Variants in FRMD5 observed in about 807,000 individuals in gnomAD.
FRMD5 encodes the protein FERM domain containing 5, also known as FERM domain-containing protein 5.
FRMD5 carries 20 observed loss-of-function variants against 69.0 expected under a neutral mutation model. That is an observed-to-expected ratio of 0.29 (90% CI 0.20 to 0.42). The LOEUF (loss-of-function observed/expected upper bound fraction) is 0.42, where lower values mean the gene tolerates loss of function less well. Ranked by LOEUF, FRMD5 falls within the 10% of genes least tolerant of loss-of-function variation. The pLI, the probability that FRMD5 is intolerant of heterozygous loss-of-function variation, is 1.00. For missense variants in FRMD5, 595 were observed against 708.6 expected (o/e 0.84, Z 1.82); for synonymous variants, 271 against 260.1 (o/e 1.04, Z -0.40).
intron 1 of FRMD5, among the ~76,000 whole-genome samples, chr15:43,926,201 A>G (rs1444068981): frequency 6.6e-6 from 1 of 152,246 alleles, no homozygotes. Context: ...ACCTGCCTGG[A>G]TGCCAAGGGT....
chr15:43,921,223 G>C (rs1178587203), intron 2 of FRMD5, among the ~76,000 whole-genome samples: 1 of 152,298 alleles, frequency 6.6e-6, no homozygotes, highest in South Asian at 2.1e-4. Flanking sequence ...TCTGTTCAGA[G>C]CACACTGGAA....
chr15:43,884,627 G>A (rs891602285), intron 12 of FRMD5, 100 bp downstream of exon 12: 25 of 1,012,378 alleles, frequency 2.5e-5, no homozygotes, highest in Non-Finnish European at 3.5e-5. Context: ...GGACTTTTTG[G>A]TAGCCACTGG....
rs577127523 is a variant in FRMD5, at chr15:44,189,400, G to T, written c.102+5553C>A. On this transcript the variant is annotated intron_variant, in intron 1 of 13. Transcript: ENST00000417257. ...ACAGTTTTAGCCTGATGGAGAAACT[G>T]GAGGTTGGGAGTATGTGAACTTAGA... is the stretch of plus-strand genomic sequence containing the variant. Among the ~76,000 whole-genome samples, 5 of 152,224 alleles carry T rather than the reference G, an allele frequency of 3.3e-5. No individual in the cohort carries two copies. The South Asian group carries it at 1.0e-3, about 32-fold the overall frequency.
intron 1 of FRMD5, among the ~76,000 whole-genome samples, chr15:44,191,922 T>TATATATGTATCTATATA (rs1279440991): frequency 1.1e-4 from 1 of 8,928 alleles, no homozygotes; most frequent in South Asian, 3.1e-3. Flanking sequence ...TATATATATA[T>TATATATGTATCTATATA]TATATATATA....
chr15:44,094,673 C>T (rs1379294217), intron 1 of FRMD5, among the ~76,000 whole-genome samples: 1 of 152,068 alleles, frequency 6.6e-6, no homozygotes, highest in Non-Finnish European at 1.5e-5. Flanking sequence ...AGTTTTGTGT[C>T]ATAATGTAAA....
chr15:43,919,743 A>C (rs766815177), intron 3 of FRMD5, 24 bp downstream of exon 3: 1 of 1,611,878 alleles, frequency 6.2e-7, no homozygotes, highest in Non-Finnish European at 8.5e-7. Flanking sequence ...GTGTGGCTTG[A>C]GTCTTTTCAT....
chr15:44,136,435 A>C (rs1595507098), intron 1 of FRMD5, among the ~76,000 whole-genome samples: 1 of 152,330 alleles, frequency 6.6e-6, no homozygotes, highest in East Asian at 1.9e-4. Context: ...TTATTCTATA[A>C]ATTCTGGAGA....
intron 1 of FRMD5, among the ~76,000 whole-genome samples, chr15:44,076,847 A>G (rs1406824875): frequency 6.6e-6 from 1 of 152,016 alleles, no homozygotes; most frequent in Non-Finnish European, 1.5e-5. Context: ...ACTTAAAATG[A>G]TACCTCTTAT....
chr15:43,912,200 C>T lies in FRMD5; in HGVS notation c.330-2221G>A, dbSNP rs114859370. ...TAACCACAGCAGGATGGACTGCCTTCCTCAGACCAAAGGGAAGGTGAGTCT... is the reference window on the plus strand; with the variant it reads ...TAACCACAGCAGGATGGACTGCCTTTCTCAGACCAAAGGGAAGGTGAGTCT... On this transcript the variant is annotated intron_variant, in intron 4 of 13. Coordinates refer to ENST00000417257, the MANE Select transcript of FRMD5 (RefSeq NM_032892.5). Among the ~76,000 whole-genome samples the T allele has an allele frequency of 8.5e-3, 1,293 of 152,246 alleles. 20 individuals carry two copies. Among genetic ancestry groups the T allele is most frequent in the African/African-American group, 0.03 (1,231 of 41,536 alleles).
intron 6 of FRMD5, 148 bp from the exon 7 acceptor site, chr15:43,902,410 G>A (rs2089068426): frequency 4.6e-6 from 3 of 658,540 alleles, no homozygotes; most frequent in African/African-American, 1.8e-5. Flanking sequence ...GACCAACTTC[G>A]AGACTCCTGC....
intron 1 of FRMD5, among the ~76,000 whole-genome samples, chr15:44,088,463 G>A (rs1319448690): frequency 6.6e-6 from 1 of 152,124 alleles, no homozygotes; most frequent in African/African-American, 2.4e-5. Flanking sequence ...ATTTATTTAA[G>A]TAATATCAGG....
At chr15:44,120,186 C>A (rs2076927082) in intron 1 of FRMD5, among the ~76,000 whole-genome samples, 1 of 151,976 alleles carries the variant, frequency 6.6e-6, no homozygotes, top group Non-Finnish European at 1.5e-5. Flanking sequence ...TTAAAGTATC[C>A]CAAGAAGAAT....
chr15:44,176,782 C>T (rs1413730487), intron 1 of FRMD5, among the ~76,000 whole-genome samples: 1 of 151,984 alleles, frequency 6.6e-6, no homozygotes, highest in African/African-American at 2.4e-5. Context: ...AAAAGATGCT[C>T]AACATATTTA....
In FRMD5 at chr15:43,873,994, A is replaced by C. The variant is rs1350810558; in HGVS notation, c.1604T>G (p.Ile535Ser). ...TTGTTCAAACTCGGGGGTCTGGCGG[A>C]TATCACGGAAAAAGGCAATGTCAAG... Reference protein sequence around the residue: ...SDLDIAFFRDIRQTPEFEQFH... With the variant: ...SDLDIAFFRDSRQTPEFEQFH... The change falls in exon 14 of 14, where the codon ATC becomes AGC. Residue 535 changes from isoleucine (I) to serine (S), a missense_variant. Ile to Ser is a moderately radical substitution (Grantham distance 142). Coordinates refer to ENST00000417257, the MANE Select transcript of FRMD5 (RefSeq NM_032892.5). 1 of 1,614,194 alleles carries C rather than the reference A, an allele frequency of 6.2e-7. No homozygotes were observed. The highest frequency in any genetic ancestry group is 8.5e-7 in the Non-Finnish European group (1 of 1,180,036).
At chr15:43,897,789 C>A (rs1216090524) in intron 7 of FRMD5, among the ~76,000 whole-genome samples, 1 of 152,100 alleles carries the variant, frequency 6.6e-6, no homozygotes, top group Non-Finnish European at 1.5e-5. Context: ...GGAATTTTAA[C>A]CCCCATGTGA....
At chr15:44,009,057 C>T (rs1299980824) in intron 1 of FRMD5, among the ~76,000 whole-genome samples, 3 of 152,118 alleles carry the variant, frequency 2.0e-5, no homozygotes, top group African/African-American at 4.8e-5. Flanking sequence ...AAAAAATTAG[C>T]TTCCCGACGA....
chr15:44,191,774 A>G (rs894720468), intron 1 of FRMD5, among the ~76,000 whole-genome samples: 1 of 151,350 alleles, frequency 6.6e-6, no homozygotes, highest in Non-Finnish European at 1.5e-5. Flanking sequence ...AGGATATTAC[A>G]TGCCTAAGCA....
At chr15:44,089,866 T>C (rs140280290) in intron 1 of FRMD5, among the ~76,000 whole-genome samples, 1 of 152,258 alleles carries the variant, frequency 6.6e-6, no homozygotes, top group East Asian at 1.9e-4. Flanking sequence ...GAAGTGCCTA[T>C]TATAAAGCAG....
intron 1 of FRMD5, among the ~76,000 whole-genome samples, chr15:43,954,139 A>G (rs1381794127): frequency 6.6e-6 from 1 of 152,226 alleles, no homozygotes; most frequent in African/African-American, 2.4e-5. Flanking sequence ...ATTAAATATC[A>G]TCAGGAAAGG....
Sources: allele counts gnomAD v4.1 joint callset (sites outside exome capture counted in the v4.1 genomes callset), GRCh38; gene constraint gnomAD v4.1.1; transcripts MANE v1.5; gene names NCBI Gene and HGNC (gene_info 2026-07-23, HGNC 2026-07-21).